The following KCTD2 variants were observed in gnomAD, a reference collection of about 807,000 sequenced individuals.
The protein encoded by KCTD2 is BTB/POZ domain-containing protein KCTD2.
KCTD2 carries 18 observed loss-of-function variants against 27.9 expected under a neutral mutation model. That is an observed-to-expected ratio of 0.64 (90% confidence interval 0.45 to 0.96). KCTD2 has a LOEUF of 0.96. Among genes scored for constraint, KCTD2 ranks in the 40% least tolerant of loss-of-function variants. The pLI is 0.00. For missense variants in KCTD2, 280 were observed against 348.0 expected (o/e 0.80, Z 1.56); for synonymous variants, 175 against 148.4 (o/e 1.18, Z -1.30).
At chr17:75,034,535 A>ATAGG (rs1472414199) in intron 2 of KCTD2, among the ~76,000 whole-genome samples, 1 of 152,140 alleles carries the variant, frequency 6.6e-6, no homozygotes, top group African/African-American at 2.4e-5. Context: ...GTGCTCCTTG[A>ATAGG]TAGGTGTTCA....
rs2073305475 is a variant in KCTD2, at chr17:75,053,010, C to G, written c.449-4C>G. On this transcript the variant is annotated splice_polypyrimidine_tract_variant and splice_region_variant and intron_variant, in intron 2 of 5. Coordinates refer to ENST00000322444, the MANE Select transcript of KCTD2 (RefSeq NM_015353.3). ...ATCTGACTGCAGTTTTGTCCTTGTTCCAGGTGTGCTGGAGGAAGCGGAGTT... is the reference window on the plus strand; with the variant it reads ...ATCTGACTGCAGTTTTGTCCTTGTTGCAGGTGTGCTGGAGGAAGCGGAGTT... 1.5e-5 allele frequency: 25 copies of G among 1,613,598 alleles called. No homozygotes were observed. The highest frequency in any genetic ancestry group is 1.9e-5 in the Non-Finnish European group (22 of 1,179,514).
At chr17:75,054,747 T>C (rs570150526) in intron 3 of KCTD2, among the ~76,000 whole-genome samples, 1 of 150,700 alleles carries the variant, frequency 6.6e-6, no homozygotes, top group African/African-American at 2.4e-5. Flanking sequence ...GCGGAGCTTG[T>C]AGTGAGCCAA....
upstream of KCTD2, among the ~76,000 whole-genome samples, chr17:75,044,126 G>A (rs916143280): frequency 5.3e-5 from 8 of 149,682 alleles, no homozygotes; most frequent in African/African-American, 2.0e-4. Flanking sequence ...CCAGGCTCAA[G>A]CGATTCTCCT....
intron 4 of KCTD2, among the ~76,000 whole-genome samples, chr17:75,060,231 ATT>A (rs879689813): frequency 6.9e-6 from 1 of 145,706 alleles, no homozygotes; most frequent in African/African-American, 2.5e-5. Flanking sequence ...AGTAAATACA[ATT>A]TTTTTTTTTT....
chr17:75,032,760 C>G lies in KCTD2; in HGVS notation c.-470+36C>G, dbSNP rs1307191939. ...GCCCCGGGCGGGCGGGTTGGGGGAA[C>G]ATGCCTAGCTAGAGGGCGGCAGCAG... On this transcript the variant is annotated intron_variant, in intron 1 of 7. Coordinates refer to the KCTD2 transcript ENST00000581589. This position sits in a 1 kb window ranked among gnomAD's most constrained non-coding sequence, Gnocchi z 4.8. The G allele has an allele frequency of 6.6e-6, 1 of 152,092 alleles. No individual in the cohort carries two copies. The highest frequency in any genetic ancestry group is 2.1e-4 in the South Asian group (1 of 4,820). 9.4% of individuals were successfully genotyped at this position (152,092 alleles called of 1,614,324 possible). A position where few individuals can be genotyped will look rare whatever the true frequency, so the allele number is the denominator to read the frequency against.
intron 3 of KCTD2, among the ~76,000 whole-genome samples, chr17:75,055,251 C>A (rs754742506): frequency 6.6e-6 from 1 of 151,718 alleles, no homozygotes; most frequent in Non-Finnish European, 1.5e-5. Context: ...GATGGTGTTT[C>A]GCCATATTGA....
upstream of KCTD2, among the ~76,000 whole-genome samples, chr17:75,046,006 A>G (rs541120167): frequency 6.6e-6 from 1 of 152,364 alleles, no homozygotes; most frequent in South Asian, 2.1e-4. Context: ...TTCTTCTGCC[A>G]TGGTTTCAGC....
chr17:75,037,543 C>T (rs1219712845), intron 3 of KCTD2, among the ~76,000 whole-genome samples: 1 of 152,138 alleles, frequency 6.6e-6, no homozygotes, highest in African/African-American at 2.4e-5. Context: ...ATTCTCAAGA[C>T]AGTAAACAAT....
At chr17:75,042,721 A>G, upstream of KCTD2, 1 of 1,482,744 alleles carries the variant, frequency 6.7e-7, no homozygotes, top group South Asian at 1.2e-5. Flanking sequence ...GTTGGGAAAA[A>G]TGATAAATAA....
intron 2 of KCTD2, among the ~76,000 whole-genome samples, chr17:75,051,639 T>C (rs1049487011): frequency 2.0e-5 from 3 of 151,334 alleles, no homozygotes; most frequent in Admixed American, 6.6e-5. Flanking sequence ...TCCCCCTCCC[T>C]ACCCCCATCC....
chr17:75,042,553 G>T (rs2144913473), upstream of KCTD2: 1 of 1,612,456 alleles, frequency 6.2e-7, no homozygotes. Context: ...CTCATTCCAG[G>T]ATTTCAGGGA....
At chr17:75,061,019 A>C (rs1056938468) in intron 4 of KCTD2, among the ~76,000 whole-genome samples, 1 of 152,182 alleles carries the variant, frequency 6.6e-6, no homozygotes, top group Non-Finnish European at 1.5e-5. Context: ...CCTCCACTCC[A>C]GAAGTATTTT....
In KCTD2 at chr17:75,053,093, C is replaced by G. The variant is rs760769344; in HGVS notation, c.528C>G (p.Asn176Lys). 3.7e-6 allele frequency: 6 copies of G among 1,612,762 alleles called. No homozygotes were observed. Among genetic ancestry groups the G allele is most frequent in the Admixed American group, 1.7e-5 (1 of 59,994 alleles). The change falls in exon 3 of 6, where the codon AAC becomes AAG. Residue 176 changes from asparagine to lysine, a missense_variant. Transcript: ENST00000322444. ...LVKERIRDNE[N>K]RTSQGPVKHV... The stretch of plus-strand genomic sequence containing the variant: ...AGGAAAGGATACGGGACAATGAGAA[C>G]AGAACTTCACAAGTAATGTATTTGG...
chr17:75,052,415 G>A (rs951399581), intron 2 of KCTD2, among the ~76,000 whole-genome samples: 3 of 152,098 alleles, frequency 2.0e-5, no homozygotes, highest in Non-Finnish European at 4.4e-5. Flanking sequence ...GCAAAACCCC[G>A]TCTCTGCGAA....
rs1039606934 is a variant in KCTD2, at chr17:75,063,064, C to A, written c.*17C>A. ...CGGATGTAAACTAAGACCCCGAAAA[C>A]TCCAGACCTTCAGGAGAGCAGTCAG... On this transcript the variant is annotated 3_prime_UTR_variant, in exon 6 of 6. Transcript: ENST00000322444. The A allele has an allele frequency of 1.9e-6, 3 of 1,613,170 alleles. No homozygotes were observed. The highest frequency in any genetic ancestry group is 2.5e-6 in the Non-Finnish European group (3 of 1,179,420).
chr17:75,040,568 G>A (rs776650424), intron 3 of KCTD2: 19 of 211,474 alleles, frequency 9.0e-5, no homozygotes, highest in Admixed American at 1.6e-4. Context: ...GGAGCACTGC[G>A]TAATGAATGG....
intron 2 of KCTD2, among the ~76,000 whole-genome samples, chr17:75,050,425 C>CTA (rs1189622403): frequency 6.6e-6 from 1 of 152,064 alleles, no homozygotes; most frequent in Non-Finnish European, 1.5e-5. Flanking sequence ...CCATGCTTGA[C>CTA]TAATTTTTTG....
At chr17:75,047,635 G>A (rs2073239798) in intron 1 of KCTD2, 46 bp downstream of exon 1, 1 of 1,563,480 alleles carries the variant, frequency 6.4e-7, no homozygotes, top group South Asian at 1.1e-5. Flanking sequence ...GAACCCCCTG[G>A]TTTCTCGTAG....
intron 4 of KCTD2, 83 bp from the exon 5 acceptor site, chr17:75,062,037 C>G (rs1034010312): frequency 1.2e-5 from 18 of 1,500,958 alleles, no homozygotes; most frequent in African/African-American, 2.8e-5. Flanking sequence ...AAAGTTCAGT[C>G]GGAAGAGGGG....
Sources: allele counts gnomAD v4.1 joint callset (sites outside exome capture counted in the v4.1 genomes callset), GRCh38; gene constraint gnomAD v4.1.1; non-coding constraint Gnocchi (gnomAD v3.1); transcripts MANE v1.5; gene names NCBI Gene and HGNC (gene_info 2026-07-23, HGNC 2026-07-21).